The following ZNF331 variants were observed in gnomAD, a reference collection of about 807,000 sequenced individuals.
ZNF331 encodes the protein C2H2-like zinc finger protein rearranged in thyroid adenomas.
A neutral mutation model predicts 7.0 loss-of-function variants in ZNF331; 2 were observed. The observed-to-expected ratio is 0.29, with a 90% CI of 0.12 to 0.90. The LOEUF (loss-of-function observed/expected upper bound fraction) is 0.90, where lower values mean the gene tolerates loss of function less well. Among genes scored for constraint, ZNF331 ranks in the 40% least tolerant of loss-of-function variants. The pLI, the probability that ZNF331 is intolerant of heterozygous loss-of-function variation, is 0.58. For missense variants in ZNF331, 432 were observed against 587.7 expected (o/e 0.74, Z 2.74); for synonymous variants, 196 against 205.4 (o/e 0.95, Z 0.39).
At chr19:53,552,358 A>G (rs1158235618) in intron 2 of ZNF331, among the ~76,000 whole-genome samples, 1 of 152,168 alleles carries the variant, frequency 6.6e-6, no homozygotes, top group Non-Finnish European at 1.5e-5. Flanking sequence ...TCAGGCTCTG[A>G]AAGTTCCTTT....
At chr19:53,525,091 T>C (rs1346545209) in intron 2 of ZNF331, among the ~76,000 whole-genome samples, 1 of 152,208 alleles carries the variant, frequency 6.6e-6, no homozygotes. Flanking sequence ...GTGGTGTTAT[T>C]TCTGAGGCCT....
At chr19:53,557,117 C>G (rs989551850) in intron 3 of ZNF331, among the ~76,000 whole-genome samples, 11 of 151,428 alleles carry the variant, frequency 7.3e-5, no homozygotes, top group African/African-American at 2.7e-4. Context: ...GGCGCCACAC[C>G]CAGCCAATTT....
chr19:53,513,279 G>T, the ZNF331 span, among the ~76,000 whole-genome samples: 1 of 147,794 alleles, frequency 6.8e-6, no homozygotes, highest in Non-Finnish European at 1.5e-5. Context: ...GCAAGCGTGG[G>T]AGTGCAGATA....
upstream of ZNF331, among the ~76,000 whole-genome samples, chr19:53,520,207 C>G (rs1004652145): frequency 7.1e-6 from 1 of 141,492 alleles, no homozygotes; most frequent in Non-Finnish European, 1.5e-5. Flanking sequence ...ACCACCACGC[C>G]TGGCTAATTT....
At chr19:53,544,761 T>G (rs917784773) in intron 2 of ZNF331, among the ~76,000 whole-genome samples, 1 of 151,444 alleles carries the variant, frequency 6.6e-6, no homozygotes, top group African/African-American at 2.4e-5. Context: ...TGAGACGGAG[T>G]CTTTCTCTGT....
chr19:53,505,982 CA>C, the ZNF331 span, among the ~76,000 whole-genome samples: 1 of 150,936 alleles, frequency 6.6e-6, no homozygotes, highest in Non-Finnish European at 1.5e-5. Flanking sequence ...GACTCCATCT[CA>C]AAAAAAGAAA....
chr19:53,513,609 A>G, the ZNF331 span, among the ~76,000 whole-genome samples: 1 of 152,096 alleles, frequency 6.6e-6, no homozygotes, highest in East Asian at 1.9e-4. Context: ...TTTGATTGGC[A>G]TTTTCCAGAT....
chr19:53,550,593 T>G (rs9917017), intron 2 of ZNF331, among the ~76,000 whole-genome samples: 131,549 of 139,974 alleles, frequency 0.94, 61,967 homozygotes, highest in African/African-American at 0.99. Context: ...CTGGAATGCA[T>G]TGGCCCGATC....
chr19:53,564,201 C>G (rs1168154809), intron 3 of ZNF331, among the ~76,000 whole-genome samples: 3 of 151,402 alleles, frequency 2.0e-5, no homozygotes, highest in Non-Finnish European at 2.9e-5. Context: ...TATTTCTGAC[C>G]TGGGCCAGTT....
intron 2 of ZNF331, among the ~76,000 whole-genome samples, chr19:53,547,951 A>G (rs2147387916): frequency 6.6e-6 from 1 of 152,074 alleles, no homozygotes; most frequent in South Asian, 2.1e-4. Flanking sequence ...TGTTTTCTAG[A>G]CAGGGTCTTG....
Position 53,539,063 on chromosome 19 carries a change from A to C in ZNF331, c.-204-153A>C, listed in dbSNP as rs2087944309. On this transcript the variant is annotated intron_variant, in intron 1 of 5. Coordinates refer to ENST00000449416, the MANE Select transcript of ZNF331 (RefSeq NM_001079906.2). This position sits in a 1 kb window ranked among gnomAD's most constrained non-coding sequence, Gnocchi z 6.1. Reference sequence around the variant, plus strand: ...TAGAGGGACAGGTCCCTGATGTGGGAGACAGGGAGGGGGGCAGCTCCACGC... The same window carrying C: ...TAGAGGGACAGGTCCCTGATGTGGGCGACAGGGAGGGGGGCAGCTCCACGC... The C allele has an allele frequency of 6.6e-6, 1 of 152,066 alleles. No homozygotes were observed. The highest frequency in any genetic ancestry group is 1.5e-5 in the Non-Finnish European group (1 of 68,034). 9.4% of individuals were successfully genotyped at this position (152,066 alleles called of 1,614,324 possible).
rs200079762 is a variant in ZNF331 at position 53,569,368 on chromosome 19, T to C, written c.-9T>C. 52 of 1,613,962 alleles carry C rather than the reference T, an allele frequency of 3.2e-5. No individual in the cohort carries two copies. The highest frequency in any genetic ancestry group is 5.0e-5 in the Admixed American group (3 of 59,970). On this transcript the variant is annotated 5_prime_UTR_variant, in exon 4 of 6. Coordinates refer to ENST00000449416, the MANE Select transcript of ZNF331 (RefSeq NM_001079906.2). Reference sequence around the variant, plus strand: ...CGAGAAGACTGATCAGTTCTTCAGTTCTAAAACAATGGCCCAGGTAAGTGT... The same window carrying C: ...CGAGAAGACTGATCAGTTCTTCAGTCCTAAAACAATGGCCCAGGTAAGTGT...
In ZNF331 at chr19:53,576,692, C is replaced by A. The variant is rs1409635062; in HGVS notation, c.137-5C>A. On this transcript the variant is annotated splice_region_variant and splice_polypyrimidine_tract_variant and intron_variant, in intron 5 of 5. Coordinates refer to ENST00000449416, the MANE Select transcript of ZNF331 (RefSeq NM_001079906.2). Reference sequence around the variant, plus strand: ...AAGGAAAGAAAATATGTTCTTTTTTCCCAGATTTGGAGTCAGCATATGAAA... The same window carrying A: ...AAGGAAAGAAAATATGTTCTTTTTTACCAGATTTGGAGTCAGCATATGAAA... 6.3e-7 allele frequency: 1 copy of A among 1,581,186 alleles called. No homozygotes were observed. The highest frequency in any genetic ancestry group is 8.6e-7 in the Non-Finnish European group (1 of 1,166,680).
rs7251998 is a variant in ZNF331 at position 53,530,317 on chromosome 19, C to T, written c.-205+7633C>T. Among the ~76,000 whole-genome samples the T allele has an allele frequency of 6.5e-3, 561 of 86,118 alleles. 2 individuals are homozygous for T. The highest frequency in any genetic ancestry group is 0.017 in the African/African-American group (232 of 13,842). 56.5% of individuals were successfully genotyped at this position (86,118 alleles called of 152,430 possible). A position where few individuals can be genotyped will look rare whatever the true frequency, so the allele number is the denominator to read the frequency against. ...ACTGGGGATGACAGTTCACCTCCCA[C>T]CAGGCCCCACCTCCAGCACTGGGGA... is the stretch of plus-strand genomic sequence containing the variant. On this transcript the variant is annotated intron_variant, in intron 2 of 6. Transcript: ENST00000253144.
intron 2 of ZNF331, among the ~76,000 whole-genome samples, chr19:53,552,562 A>G (rs1055050827): frequency 6.6e-6 from 1 of 152,030 alleles, no homozygotes; most frequent in African/African-American, 2.4e-5. Context: ...TACCAAAAAA[A>G]AAAGAAAAAA....
At chr19:53,542,431 T>C (rs2088241994) in intron 2 of ZNF331, among the ~76,000 whole-genome samples, 1 of 152,230 alleles carries the variant, frequency 6.6e-6, no homozygotes, top group African/African-American at 2.4e-5. Flanking sequence ...GGACTTTCCA[T>C]GTGACATTAG....
In ZNF331 at chr19:53,577,022, T is replaced by C. The variant is rs1287655927; in HGVS notation, c.462T>C (p.Thr154=). The C allele has an allele frequency of 3.7e-6, 6 of 1,612,904 alleles. No homozygotes were observed. The Admixed American group carries it at 1.0e-4, about 27-fold the overall frequency. ...TTAGTCAACATCAGAAAATCCATAC[T>C]GGTGAGAAACCTTATGAATGTAAAG... ...YQLSQHQKIH[T]GEKPYECKEC... Residue 154 remains threonine, a synonymous_variant, in exon 6 of 6, where the codon ACT becomes ACC. Coordinates refer to ENST00000449416, the MANE Select transcript of ZNF331 (RefSeq NM_001079906.2).
At chr19:53,569,961 A>G (rs1219147171) in intron 4 of ZNF331, among the ~76,000 whole-genome samples, 4 of 151,460 alleles carry the variant, frequency 2.6e-5, no homozygotes, top group Non-Finnish European at 5.9e-5. Flanking sequence ...TATCCTCTAA[A>G]TCAGAAACAG....
At chr19:53,507,334 C>T in the ZNF331 span, among the ~76,000 whole-genome samples, 2 of 152,142 alleles carry the variant, frequency 1.3e-5, no homozygotes, top group South Asian at 4.1e-4. Context: ...CCACAGACAG[C>T]TTGGGGCTCC....
Sources: allele counts gnomAD v4.1 joint callset (sites outside exome capture counted in the v4.1 genomes callset), GRCh38; gene constraint gnomAD v4.1.1; non-coding constraint Gnocchi (gnomAD v3.1); transcripts MANE v1.5; gene names NCBI Gene and HGNC (gene_info 2026-07-23, HGNC 2026-07-21).